The following ZNF385B variants were observed in gnomAD, a reference collection of about 807,000 sequenced individuals.
ZNF385B encodes the protein zinc finger protein 533.
ZNF385B carries 23 observed loss-of-function variants against 39.2 expected under a neutral mutation model. That is an observed-to-expected ratio of 0.59 (90% CI 0.42 to 0.83). The LOEUF (loss-of-function observed/expected upper bound fraction) is 0.83, where lower values mean the gene tolerates loss of function less well. Among genes scored for constraint, ZNF385B ranks in the 40% least tolerant of loss-of-function variants. The pLI, the probability that ZNF385B is intolerant of heterozygous loss-of-function variation, is 0.00. For missense variants in ZNF385B, 552 were observed against 598.9 expected (o/e 0.92, Z 0.82); for synonymous variants, 205 against 222.6 (o/e 0.92, Z 0.70).
chr2:179,474,002 A>G (rs1277413689), intron 6 of ZNF385B, among the ~76,000 whole-genome samples: 2 of 152,192 alleles, frequency 1.3e-5, no homozygotes, highest in African/African-American at 4.8e-5. Flanking sequence ...TCCGACTTCA[A>G]GCTCATGCTC....
intron 3 of ZNF385B, among the ~76,000 whole-genome samples, chr2:179,678,045 C>G (rs1376216433): frequency 6.6e-6 from 1 of 151,170 alleles, no homozygotes; most frequent in Non-Finnish European, 1.5e-5. Flanking sequence ...GGGCCACAAA[C>G]CAAAAAGAAA....
intron 1 of ZNF385B, among the ~76,000 whole-genome samples, chr2:179,837,689 C>T (rs1708326117): frequency 6.6e-6 from 1 of 152,172 alleles, no homozygotes; most frequent in African/African-American, 2.4e-5. Flanking sequence ...TATTTGCCCT[C>T]CTCACAACAA....
intron 5 of ZNF385B, among the ~76,000 whole-genome samples, chr2:179,486,452 A>G (rs549302872): frequency 6.6e-6 from 1 of 152,390 alleles, no homozygotes; most frequent in South Asian, 2.1e-4. Flanking sequence ...AGTTAATGTT[A>G]TAATTTTATT....
chr2:179,732,091 C>A (rs1701430078), intron 3 of ZNF385B, among the ~76,000 whole-genome samples: 1 of 152,206 alleles, frequency 6.6e-6, no homozygotes, highest in Non-Finnish European at 1.5e-5. Context: ...GTTATAGTCT[C>A]TGAACCTATT....
At chr2:179,648,411 G>A (rs572488931) in intron 3 of ZNF385B, among the ~76,000 whole-genome samples, 1 of 152,270 alleles carries the variant, frequency 6.6e-6, no homozygotes, top group South Asian at 2.1e-4. Flanking sequence ...TGTCAGATTG[G>A]AGGTATCAGT....
intron 1 of ZNF385B, among the ~76,000 whole-genome samples, chr2:179,807,712 G>A (rs533567347): frequency 6.6e-6 from 1 of 152,010 alleles, no homozygotes; most frequent in East Asian, 2.0e-4. Flanking sequence ...TGGCTAACAC[G>A]GTGAAACCCC....
chr2:179,593,027 G>C (rs1687702956), intron 3 of ZNF385B, among the ~76,000 whole-genome samples: 1 of 152,002 alleles, frequency 6.6e-6, no homozygotes, highest in Non-Finnish European at 1.5e-5. Context: ...ACTGTTCAAA[G>C]GGAAGACAAA....
At chr2:179,656,155 T>C (rs1419810304) in intron 3 of ZNF385B, among the ~76,000 whole-genome samples, 1 of 152,158 alleles carries the variant, frequency 6.6e-6, no homozygotes, top group Non-Finnish European at 1.5e-5. Context: ...TAGATTTCTT[T>C]TTCTATAGTA....
chr2:179,502,950 T>G (rs904798419), intron 5 of ZNF385B, among the ~76,000 whole-genome samples: 1 of 152,180 alleles, frequency 6.6e-6, no homozygotes, highest in Admixed American at 6.5e-5. Flanking sequence ...CATGGCTCAC[T>G]GCAGGCTTGA....
intron 3 of ZNF385B, among the ~76,000 whole-genome samples, chr2:179,576,613 G>A (rs939384543): frequency 1.3e-5 from 2 of 152,170 alleles, no homozygotes. Context: ...ATTATACTGT[G>A]AGCATCTTTC....
intron 4 of ZNF385B, among the ~76,000 whole-genome samples, chr2:179,530,204 C>T (rs1030501073): frequency 6.6e-6 from 1 of 152,066 alleles, no homozygotes; most frequent in Non-Finnish European, 1.5e-5. Context: ...CCAAAATTGT[C>T]CTCAAATTAA....
At chr2:179,718,054 AT>A (rs1325251476) in intron 3 of ZNF385B, among the ~76,000 whole-genome samples, 1 of 152,160 alleles carries the variant, frequency 6.6e-6, no homozygotes, top group Non-Finnish European at 1.5e-5. Context: ...TGTTTATGCT[AT>A]GCTGAGCCAA....
chr2:179,612,423 G>A (rs1308338415), intron 3 of ZNF385B, among the ~76,000 whole-genome samples: 1 of 151,526 alleles, frequency 6.6e-6, no homozygotes, highest in East Asian at 2.0e-4. Flanking sequence ...TTTGGTCTCT[G>A]CAGCCTGTCT....
At chr2:179,630,482 C>T (rs1042792448) in intron 3 of ZNF385B, among the ~76,000 whole-genome samples, 1 of 150,170 alleles carries the variant, frequency 6.7e-6, no homozygotes, top group African/African-American at 2.4e-5. Flanking sequence ...TTGACATAAA[C>T]AAAAAGGTCA....
intron 3 of ZNF385B, among the ~76,000 whole-genome samples, chr2:179,685,546 G>A (rs1697856591): frequency 6.6e-6 from 1 of 152,118 alleles, no homozygotes; most frequent in South Asian, 2.1e-4. Context: ...CATTAGGAAG[G>A]AGAAATGGAA....
In ZNF385B at chr2:179,769,762, A is replaced by AT. The variant is rs1245781614; in HGVS notation, c.38dup (p.Asp13GlufsTer14). 6.2e-7 allele frequency: 1 copy of AT among 1,613,650 alleles called. No individual in the cohort carries two copies. The highest frequency in any genetic ancestry group is 1.3e-5 in the African/African-American group (1 of 74,840). ...GAAAATTTGCCATATTCATGATTCC[A>AT]TCTTCAAGATGGTTGTCAGGGCTTA... On this transcript the variant is annotated frameshift_variant, in exon 3 of 10. Coordinates refer to ENST00000410066, the MANE Select transcript of ZNF385B (RefSeq NM_152520.6). LOFTEE classifies it high-confidence loss of function.
chr2:179,793,250 C>T (rs1705454294), intron 1 of ZNF385B, among the ~76,000 whole-genome samples: 1 of 152,206 alleles, frequency 6.6e-6, no homozygotes, highest in Admixed American at 6.5e-5. Flanking sequence ...GCTCTTTCCA[C>T]TGTACTCTGA....
chr2:179,526,924 C>T (rs1422803489), intron 4 of ZNF385B, among the ~76,000 whole-genome samples: 1 of 152,202 alleles, frequency 6.6e-6, no homozygotes, highest in Non-Finnish European at 1.5e-5. Context: ...ATTAACTGGT[C>T]CCCTCTTTCA....
chr2:179,802,735 T>G (rs904472644), intron 1 of ZNF385B: 1 of 151,696 alleles, frequency 6.6e-6, no homozygotes, highest in Non-Finnish European at 1.5e-5. Context: ...CAGGCATGCT[T>G]ACAACTTACA....
Sources: gnomAD v4.1 joint callset for allele counts (sites outside exome capture counted in the v4.1 genomes callset) on GRCh38, gnomAD v4.1.1 for gene constraint, MANE v1.5 for transcripts, NCBI Gene and HGNC (gene_info 2026-07-23, HGNC 2026-07-21) for gene names.